The following STIM2 variants were observed in gnomAD, a reference collection of about 807,000 sequenced individuals.
The protein encoded by STIM2 is stromal interaction molecule 2.
A neutral mutation model predicts 85.8 loss-of-function variants in STIM2; 31 were observed. That is an observed-to-expected ratio of 0.36 (90% CI 0.27 to 0.49). The LOEUF is 0.49. STIM2 is among the 20% of genes least tolerant of loss of function. The pLI is 0.98. For synonymous variants in STIM2, 356 were observed against 331.1 expected (o/e 1.08, Z -0.82); for missense variants, 841 against 927.6 (o/e 0.91, Z 1.21).
chr4:26,967,949 GC>G (rs1273809166), intron 3 of STIM2, among the ~76,000 whole-genome samples: 2 of 152,006 alleles, frequency 1.3e-5, no homozygotes, highest in Non-Finnish European at 2.9e-5. Context: ...TTATTAACAG[GC>G]AGGAAGATCA....
chr4:27,008,449 A>G lies in STIM2; in HGVS notation c.1171A>G (p.Arg391Gly). 6.3e-7 allele frequency: 1 copy of G among 1,589,464 alleles called. No individual in the cohort carries two copies. The highest frequency in any genetic ancestry group is 8.5e-7 in the Non-Finnish European group (1 of 1,170,092). Residue 391 changes from arginine to glycine, a missense_variant, in exon 9 of 12, where the codon AGA becomes GGA. Arg to Gly is a moderately radical substitution (Grantham distance 125). Coordinates refer to ENST00000467087, the MANE Select transcript of STIM2 (RefSeq NM_020860.4). ...CTAGGCAGAAAAAATTAAAAAGAAG[A>G]GAAGCACAGTCTTTGGGACTCTGCA... is the stretch of plus-strand genomic sequence containing the variant.
chr4:26,869,316 A>G (rs1722522079), intron 1 of STIM2, among the ~76,000 whole-genome samples: 1 of 151,680 alleles, frequency 6.6e-6, no homozygotes, highest in Non-Finnish European at 1.5e-5. Flanking sequence ...AAAAAAAAAA[A>G]AAAAGGAAGA....
intron 2 of STIM2, among the ~76,000 whole-genome samples, chr4:26,920,503 C>T (rs867132246): frequency 3.9e-5 from 6 of 152,296 alleles, no homozygotes; most frequent in Middle Eastern, 6.8e-3. Flanking sequence ...TTTTTCAGGC[C>T]TCTTCAGTCC....
intron 2 of STIM2, among the ~76,000 whole-genome samples, chr4:26,928,544 T>G (rs534097922): frequency 6.6e-6 from 1 of 152,322 alleles, no homozygotes; most frequent in Non-Finnish European, 1.5e-5. Context: ...TTTTAATTTT[T>G]TTTACTTTTA....
intron 1 of STIM2, among the ~76,000 whole-genome samples, chr4:26,894,556 A>T: frequency 6.6e-6 from 1 of 150,416 alleles, no homozygotes; most frequent in African/African-American, 2.4e-5. Flanking sequence ...TTTTTTAACA[A>T]GTTTGAATTT....
chr4:26,922,071 G>A (rs1724821085), intron 2 of STIM2, among the ~76,000 whole-genome samples: 1 of 152,166 alleles, frequency 6.6e-6, no homozygotes, highest in African/African-American at 2.4e-5. Flanking sequence ...AAGGAAGAGT[G>A]AGGTAAAACT....
At chr4:26,862,422 G>T (rs1345395557) in intron 1 of STIM2, among the ~76,000 whole-genome samples, 1 of 151,544 alleles carries the variant, frequency 6.6e-6, no homozygotes, top group Non-Finnish European at 1.5e-5. Context: ...AAGATGACCC[G>T]TGATTAATTT....
In STIM2 at chr4:27,009,004, T is replaced by A. The variant is rs1233005565; in HGVS notation, c.1489+2T>A. 1 of 1,607,934 alleles carries A rather than the reference T, an allele frequency of 6.2e-7. No individual in the cohort carries two copies. The highest frequency in any genetic ancestry group is 8.5e-7 in the Non-Finnish European group (1 of 1,176,470). On this transcript the variant is annotated splice_donor_variant, in intron 10 of 11. Coordinates refer to ENST00000467087, the MANE Select transcript of STIM2 (RefSeq NM_020860.4). LOFTEE classifies it high-confidence loss of function. ...CCCCAATAGTGTCACAATTTCCCGG[T>A]AAGTGGCAATTTCAACAAAAATTGT...
chr4:27,019,579 A>G (rs909735132), intron 11 of STIM2: 4 of 1,003,604 alleles, frequency 4.0e-6, no homozygotes, highest in Non-Finnish European at 5.4e-6. Flanking sequence ...CATAAATAAG[A>G]GAATGATTTG....
intron 1 of STIM2, among the ~76,000 whole-genome samples, chr4:26,866,572 A>G (rs1165379314): frequency 6.6e-6 from 1 of 152,144 alleles, no homozygotes; most frequent in Non-Finnish European, 1.5e-5. Flanking sequence ...GGGGATAAAT[A>G]CTTTTCTTTA....
At chr4:27,010,161 T>C (rs972133719) in intron 10 of STIM2, among the ~76,000 whole-genome samples, 1 of 152,166 alleles carries the variant, frequency 6.6e-6, no homozygotes, top group Non-Finnish European at 1.5e-5. Context: ...TTTAGAAATG[T>C]TGTGATCAGG....
intron 3 of STIM2, among the ~76,000 whole-genome samples, chr4:26,964,971 A>G (rs1324847368): frequency 6.6e-6 from 1 of 152,194 alleles, no homozygotes; most frequent in African/African-American, 2.4e-5. Context: ...ATTAATAGCT[A>G]GGAGGATATT....
intron 10 of STIM2, 82 bp downstream of exon 10, chr4:27,009,084 C>A (rs185798081): frequency 1.6e-6 from 2 of 1,215,122 alleles, no homozygotes; most frequent in Non-Finnish European, 1.2e-6. Flanking sequence ...TCATGTACTT[C>A]GAAATCTGTG....
chr4:26,950,351 C>T (rs1378333180), intron 2 of STIM2, among the ~76,000 whole-genome samples: 1 of 152,184 alleles, frequency 6.6e-6, no homozygotes, highest in Non-Finnish European at 1.5e-5. Flanking sequence ...TCTACACACT[C>T]CTGTTTTAGA....
intron 2 of STIM2, among the ~76,000 whole-genome samples, chr4:26,931,148 C>G (rs951647106): frequency 1.3e-4 from 20 of 152,128 alleles, no homozygotes; most frequent in African/African-American, 4.6e-4. Context: ...ATGGGGTTCC[C>G]TCAGCCCACT....
chr4:26,989,060 G>A (rs956962422), intron 3 of STIM2, among the ~76,000 whole-genome samples: 2 of 152,076 alleles, frequency 1.3e-5, no homozygotes, highest in Non-Finnish European at 2.9e-5. Context: ...TCAGCCTCCG[G>A]AATAGCTGGG....
intron 3 of STIM2, among the ~76,000 whole-genome samples, chr4:26,977,831 G>T (rs947456520): frequency 6.6e-6 from 1 of 152,160 alleles, no homozygotes; most frequent in Non-Finnish European, 1.5e-5. Context: ...AGGACTGAGT[G>T]CTGTGAGGTC....
At chr4:26,896,777 A>C (rs1258143114) in intron 1 of STIM2, among the ~76,000 whole-genome samples, 1 of 152,184 alleles carries the variant, frequency 6.6e-6, no homozygotes, top group Non-Finnish European at 1.5e-5. Context: ...TTTGTGTATA[A>C]TTCTTTGTAC....
At chr4:26,940,315 A>G (rs561923873) in intron 2 of STIM2, among the ~76,000 whole-genome samples, 3 of 152,140 alleles carry the variant, frequency 2.0e-5, no homozygotes, top group Admixed American at 2.0e-4. Flanking sequence ...TTCCTAGGAC[A>G]TTTTATTCAG....
Sources: gnomAD v4.1 joint callset for allele counts (sites outside exome capture counted in the v4.1 genomes callset) on GRCh38, gnomAD v4.1.1 for gene constraint, MANE v1.5 for transcripts, NCBI Gene and HGNC (gene_info 2026-07-23, HGNC 2026-07-21) for gene names.